TEKT1: variants seen among roughly 807,000 people sequenced by gnomAD.
TEKT1 encodes the protein tektin-1.
Under a neutral mutation model 34.8 loss-of-function variants are expected in TEKT1, and 32 were observed. The ratio of observed to expected loss-of-function variants is 0.92; its 90% CI spans 0.69 to 1.23. TEKT1 has a LOEUF of 1.23. TEKT1 is among the 50% of genes most tolerant of loss of function. The pLI, the probability that TEKT1 is intolerant of heterozygous loss-of-function variation, is 0.00. For synonymous variants in TEKT1, 207 were observed against 199.8 expected, an observed-to-expected ratio of 1.04 and a Z score of -0.30; for missense variants, 492 against 518.5, an observed-to-expected ratio of 0.95 and a Z score of 0.50.
chr17:6,799,241 A>T lies in TEKT1; in HGVS notation c.*786T>A, dbSNP rs1976733740. ...ACTTGTAAAGAGGTACGTAACCATT[A>T]AAATAATTATAAAGACAATTTAGCA... On this transcript the variant is annotated 3_prime_UTR_variant, in exon 8 of 8. Coordinates refer to ENST00000338694, the MANE Select transcript of TEKT1 (RefSeq NM_053285.2). The T allele has an allele frequency of 6.6e-6, 1 of 152,254 alleles. No individual in the cohort carries two copies. Among genetic ancestry groups the T allele is most frequent in the Admixed American group, 6.5e-5 (1 of 15,290 alleles). 9.4% of individuals were successfully genotyped at this position (152,254 alleles called of 1,614,324 possible). A position where few individuals can be genotyped will look rare whatever the true frequency, so the allele number is the denominator to read the frequency against.
intron 1 of TEKT1, among the ~76,000 whole-genome samples, chr17:6,831,023 AAGAAGG>A (rs952300735): frequency 1.7e-5 from 2 of 116,738 alleles, no homozygotes; most frequent in Non-Finnish European, 3.3e-5. Flanking sequence ...GAAGAGGAAG[AAGAAGG>A]AGGAGGAGGA....
chr17:6,808,308 C>T (rs1438249188), intron 6 of TEKT1, among the ~76,000 whole-genome samples: 3 of 152,180 alleles, frequency 2.0e-5, no homozygotes, highest in Admixed American at 6.5e-5. Flanking sequence ...TTGCTAAGAC[C>T]GTTGGGAAAG....
intron 6 of TEKT1, among the ~76,000 whole-genome samples, chr17:6,803,804 G>T (rs1389946790): frequency 6.6e-6 from 1 of 152,146 alleles, no homozygotes; most frequent in African/African-American, 2.4e-5. Flanking sequence ...GCTCTGTTCT[G>T]TTCCATTGGT....
In TEKT1 at chr17:6,811,306, A is replaced by ATGTG. The variant is rs34180300; in HGVS notation, c.852+1521_852+1524dup. ...ATTATATGTTAATCATATATGCAAAATGTGTGTGTGTGTGTGTGTGTGTGT... is the reference window on the plus strand; with the variant it reads ...ATTATATGTTAATCATATATGCAAAATGTGTGTGTGTGTGTGTGTGTGTGTGTGT... On this transcript the variant is annotated intron_variant, in intron 6 of 7. Transcript: ENST00000338694. The surrounding 1 kb of genome is among the most constrained non-coding windows in gnomAD (Gnocchi z 4.4). Among the ~76,000 whole-genome samples, 3,234 of 149,772 alleles carry ATGTG rather than the reference A, an allele frequency of 0.022. 41 individuals are homozygous for ATGTG. The highest frequency in any genetic ancestry group is 0.034 in the Middle Eastern group (10 of 292).
At chr17:6,827,573 T>C (rs771779070) in intron 2 of TEKT1, among the ~76,000 whole-genome samples, 44 of 152,190 alleles carry the variant, frequency 2.9e-4, no homozygotes, top group Non-Finnish European at 5.6e-4. Flanking sequence ...TCGTGCCTAT[T>C]CTTGACCTTT....
At chr17:6,824,073 C>T (rs1375927598) in intron 2 of TEKT1, among the ~76,000 whole-genome samples, 1 of 152,060 alleles carries the variant, frequency 6.6e-6, no homozygotes, top group Non-Finnish European at 1.5e-5. Flanking sequence ...CTGCCCACAT[C>T]GGCCTCCCAA....
chr17:6,829,329 C>T (rs1207973267), intron 2 of TEKT1, among the ~76,000 whole-genome samples: 1 of 152,140 alleles, frequency 6.6e-6, no homozygotes, highest in Admixed American at 6.5e-5. Flanking sequence ...CCTTGGTATC[C>T]TCAGAGGATT....
chr17:6,810,615 A>C (rs983044872), intron 6 of TEKT1, among the ~76,000 whole-genome samples: 5 of 152,206 alleles, frequency 3.3e-5, no homozygotes, highest in African/African-American at 1.2e-4. Context: ...ATGGTGACAC[A>C]CTGTATGTGA....
intron 2 of TEKT1, among the ~76,000 whole-genome samples, chr17:6,829,276 C>T (rs1410218568): frequency 6.6e-6 from 1 of 152,182 alleles, no homozygotes; most frequent in Non-Finnish European, 1.5e-5. Flanking sequence ...TCCGCCCCGT[C>T]TTTGTTCCCC....
chr17:6,809,971 GA>G (rs1976904540), intron 6 of TEKT1, among the ~76,000 whole-genome samples: 1 of 152,180 alleles, frequency 6.6e-6, no homozygotes, highest in Admixed American at 6.5e-5. Flanking sequence ...GTTTTTGTAT[GA>G]ACATAAGTTT....
intron 2 of TEKT1, among the ~76,000 whole-genome samples, chr17:6,829,043 CAGG>C (rs1904489208): frequency 1.3e-5 from 2 of 152,068 alleles, no homozygotes; most frequent in Non-Finnish European, 2.9e-5. Flanking sequence ...CCCAGCTACT[CAGG>C]AGGCTGAGGC....
chr17:6,815,424 G>GC (rs1976991290), intron 4 of TEKT1, 118 bp from the exon 5 acceptor site: 8 of 1,215,252 alleles, frequency 6.6e-6, no homozygotes, highest in Admixed American at 3.5e-5. Flanking sequence ...TGATGGTACT[G>GC]CCCCCCACCC....
intron 6 of TEKT1, among the ~76,000 whole-genome samples, chr17:6,802,951 T>G (rs1976795826): frequency 6.6e-6 from 1 of 152,178 alleles, no homozygotes; most frequent in Non-Finnish European, 1.5e-5. Context: ...CAGCATTATT[T>G]ATAATCCTTT....
chr17:6,813,049 C>A lies in TEKT1; in HGVS notation c.634G>T (p.Val212Leu), dbSNP rs138233549. Residue 212 changes from valine (V) to leucine (L), a missense_variant, in exon 6 of 8, where the codon GTG becomes TTG. Transcript: ENST00000338694. The part of the protein sequence containing the change: ...ENAVRIEPNS[V>L]SLEDWLDFSS... ...AAGTCCAACCAGTCTTCCAGACTCA[C>A]GGAGCTGAAACAGACCTCACGCTTT... 10 of 1,613,148 alleles carry A rather than the reference C, an allele frequency of 6.2e-6. No individual in the cohort carries two copies. Among genetic ancestry groups the A allele is most frequent in the Non-Finnish European group, 8.5e-6 (10 of 1,179,526 alleles).
intron 6 of TEKT1, among the ~76,000 whole-genome samples, chr17:6,808,287 T>C (rs1378343304): frequency 2.0e-5 from 3 of 152,216 alleles, no homozygotes; most frequent in African/African-American, 2.4e-5. Flanking sequence ...TATAATCTCC[T>C]GGTGTGCCGT....
At chr17:6,823,630 C>G (rs1371833688) in intron 2 of TEKT1, among the ~76,000 whole-genome samples, 1 of 152,056 alleles carries the variant, frequency 6.6e-6, no homozygotes, top group Non-Finnish European at 1.5e-5. Flanking sequence ...CCCATTGACA[C>G]CTTGTAACTG....
In TEKT1 at chr17:6,811,034, G is replaced by A. The variant is rs1460038845; in HGVS notation, c.852+1797C>T. ...TGGGATTACAGGCGTGAGCCACCAC[G>A]CCCGGCCGTGACATCTTATTTTATT... On this transcript the variant is annotated intron_variant, in intron 6 of 7. Coordinates refer to ENST00000338694, the MANE Select transcript of TEKT1 (RefSeq NM_053285.2). The surrounding 1 kb of genome is among the most constrained non-coding windows in gnomAD (Gnocchi z 4.4). Among the ~76,000 whole-genome samples, 4 of 152,108 alleles carry A rather than the reference G, an allele frequency of 2.6e-5. No homozygotes were observed. Among genetic ancestry groups the A allele is most frequent in the African/African-American group, 7.2e-5 (3 of 41,412 alleles).
chr17:6,816,106 A>G, intron 3 of TEKT1, 144 bp from the exon 4 acceptor site: 2 of 1,171,752 alleles, frequency 1.7e-6, no homozygotes, highest in South Asian at 1.6e-5. Flanking sequence ...GGTGACAGAT[A>G]TTAGTTGGTG....
Position 6,815,234 on chromosome 17 carries a change from A to AT in TEKT1, c.557dup (p.Asp186GlufsTer17). 1 of 1,614,248 alleles carries AT rather than the reference A, an allele frequency of 6.2e-7. No individual in the cohort carries two copies. Among genetic ancestry groups the AT allele is most frequent in the South Asian group, 1.1e-5 (1 of 91,080 alleles). ...AGTTGTTGTTGAGCGAGAAGCAGAT[A>AT]TCATCTATGGTCAGGGCCACAAACT... On this transcript the variant is annotated frameshift_variant, in exon 5 of 8. Coordinates refer to ENST00000338694, the MANE Select transcript of TEKT1 (RefSeq NM_053285.2). LOFTEE classifies it high-confidence loss of function.
Sources: gnomAD v4.1 joint callset for allele counts (sites outside exome capture counted in the v4.1 genomes callset) on GRCh38, gnomAD v4.1.1 for gene constraint, Gnocchi (gnomAD v3.1) non-coding constraint, MANE v1.5 for transcripts, NCBI Gene and HGNC (gene_info 2026-07-23, HGNC 2026-07-21) for gene names.